FRAS1: variants seen among roughly 807,000 people sequenced by gnomAD.
The protein encoded by FRAS1 is extracellular matrix organizing protein FRAS1.
FRAS1 carries 290 observed loss-of-function variants against 435.2 expected under a neutral mutation model. The observed-to-expected ratio is 0.67, with a 90% CI of 0.61 to 0.73. The LOEUF (loss-of-function observed/expected upper bound fraction) is 0.73, where lower values mean the gene tolerates loss of function less well. FRAS1 is among the 30% of genes least tolerant of loss of function. The probability of loss-of-function intolerance (pLI) is 0.00; values close to 1 mark genes in which losing one functional copy is unlikely to be tolerated. For synonymous variants in FRAS1, 1,800 were observed against 1,851.0 expected (o/e 0.97, Z 0.71); for missense variants, 4,860 against 5,001.5 (o/e 0.97, Z 0.85).
chr4:78,153,770 G>A (rs541327970), intron 2 of FRAS1, among the ~76,000 whole-genome samples: 31 of 152,116 alleles, frequency 2.0e-4, no homozygotes, highest in South Asian at 4.1e-4. Flanking sequence ...AAATAATTTA[G>A]CAGATTTTTC....
chr4:78,357,782 A>G (rs919676650), intron 20 of FRAS1, among the ~76,000 whole-genome samples: 1 of 152,162 alleles, frequency 6.6e-6, no homozygotes, highest in African/African-American at 2.4e-5. Context: ...ACACACCTAT[A>G]GGTCCAGCTA....
At chr4:78,251,579 C>T (rs1560604084) in intron 4 of FRAS1, among the ~76,000 whole-genome samples, 1 of 151,926 alleles carries the variant, frequency 6.6e-6, no homozygotes, top group African/African-American at 2.4e-5. Flanking sequence ...CTCCCTAGCC[C>T]TGGGTAACAC....
At chr4:78,521,038 C>T (rs1313160725) in intron 67 of FRAS1, among the ~76,000 whole-genome samples, 5 of 152,162 alleles carry the variant, frequency 3.3e-5, no homozygotes, top group Admixed American at 6.5e-5. Flanking sequence ...AAAGCCACAG[C>T]TTTCTTGTGT....
At chr4:78,455,658 T>C (rs1166681051) in intron 47 of FRAS1, among the ~76,000 whole-genome samples, 1 of 152,128 alleles carries the variant, frequency 6.6e-6, no homozygotes, top group Non-Finnish European at 1.5e-5. Context: ...TGGGGAAATC[T>C]CTTCTTCCCC....
intron 2 of FRAS1, among the ~76,000 whole-genome samples, chr4:78,132,646 C>T (rs1393345321): frequency 1.3e-5 from 2 of 152,102 alleles, no homozygotes; most frequent in African/African-American, 4.8e-5. Context: ...AGATGGAGAG[C>T]AGATGCAGAG....
intron 41 of FRAS1, among the ~76,000 whole-genome samples, chr4:78,444,632 G>T (rs530709048): frequency 6.6e-6 from 1 of 152,248 alleles, no homozygotes; most frequent in East Asian, 1.9e-4. Flanking sequence ...ATAACATTGT[G>T]ATGACAATTT....
chr4:78,135,288 CT>C (rs1389964000), intron 2 of FRAS1, among the ~76,000 whole-genome samples: 1 of 152,028 alleles, frequency 6.6e-6, no homozygotes, highest in Non-Finnish European at 1.5e-5. Context: ...TTTTTCCTGC[CT>C]CTGTGTTCCT....
rs1484760824 is a variant in FRAS1, at chr4:78,543,974, C to T, written c.*2850C>T. The T allele has an allele frequency of 1.3e-5, 2 of 152,524 alleles. No homozygotes were observed. The highest frequency in any genetic ancestry group is 1.3e-4 in the Admixed American group (2 of 15,278). 9.4% of individuals were successfully genotyped at this position (152,524 alleles called of 1,614,324 possible). A position where few individuals can be genotyped will look rare whatever the true frequency, so the allele number is the denominator to read the frequency against. On this transcript the variant is annotated 3_prime_UTR_variant, in exon 74 of 74. Coordinates refer to ENST00000512123, the MANE Select transcript of FRAS1 (RefSeq NM_025074.7). ...CTGCTTTGCTGCCCTTTTATTGTAC[C>T]CCAGGCCTCCTAGAGGACTCCTGCA...
rs953258645 is a variant in FRAS1, at chr4:78,538,644, G to C, written c.11299-650G>C. On this transcript the variant is annotated intron_variant, in intron 72 of 73. Coordinates refer to ENST00000512123, the MANE Select transcript of FRAS1 (RefSeq NM_025074.7). Reference sequence around the variant, plus strand: ...GGCAGCAAGAAGTGCCGAGCAGAGGGGAAAAAGCCTCTTAAAAAACCATCA... The same window carrying C: ...GGCAGCAAGAAGTGCCGAGCAGAGGCGAAAAAGCCTCTTAAAAAACCATCA... Among the ~76,000 whole-genome samples the C allele has an allele frequency of 2.0e-5, 3 of 152,176 alleles. No homozygotes were observed. The East Asian group carries it at 5.8e-4, about 29-fold the overall frequency.
intron 2 of FRAS1, among the ~76,000 whole-genome samples, chr4:78,146,417 C>CT (rs1720423229): frequency 6.6e-6 from 1 of 152,104 alleles, no homozygotes; most frequent in Non-Finnish European, 1.5e-5. Context: ...CCCCATGCAT[C>CT]TTTTTTGTCT....
chr4:78,066,131 C>A (rs4859906), intron 2 of FRAS1, 115 bp downstream of exon 2: 170,001 of 769,238 alleles, frequency 0.22, 20,412 homozygotes, highest in East Asian at 0.32. Context: ...TTTTCTTCAA[C>A]GTTTGACAAT....
chr4:78,202,248 G>A (rs541182563), intron 2 of FRAS1, among the ~76,000 whole-genome samples: 11 of 152,294 alleles, frequency 7.2e-5, no homozygotes, highest in African/African-American at 2.4e-4. Context: ...CCTGGCTCAT[G>A]AGTGGATTGA....
At chr4:78,401,553 G>T (rs1732892667) in intron 30 of FRAS1, among the ~76,000 whole-genome samples, 1 of 152,150 alleles carries the variant, frequency 6.6e-6, no homozygotes, top group African/African-American at 2.4e-5. Flanking sequence ...CAATAACCCA[G>T]GGGCTTGGGA....
intron 28 of FRAS1, among the ~76,000 whole-genome samples, chr4:78,385,633 C>A (rs144512562): frequency 6.6e-6 from 1 of 152,042 alleles, no homozygotes; most frequent in East Asian, 1.9e-4. Flanking sequence ...TGCCTGTAAT[C>A]CCAGCAATTT....
chr4:78,289,774 C>G (rs1727796680), intron 14 of FRAS1, among the ~76,000 whole-genome samples: 1 of 152,134 alleles, frequency 6.6e-6, no homozygotes, highest in South Asian at 2.1e-4. Context: ...GCTTAATTAC[C>G]TGGAGACTGA....
intron 47 of FRAS1, among the ~76,000 whole-genome samples, chr4:78,458,745 C>A (rs1407409616): frequency 6.6e-6 from 1 of 152,072 alleles, no homozygotes; most frequent in African/African-American, 2.4e-5. Context: ...ACATAACCAC[C>A]ACCCCACCTC....
At chr4:78,062,670 C>T (rs751047194) in intron 1 of FRAS1, among the ~76,000 whole-genome samples, 6 of 151,972 alleles carry the variant, frequency 3.9e-5, no homozygotes, top group African/African-American at 1.2e-4. Flanking sequence ...CTCATAAAGG[C>T]GTATATTATA....
intron 2 of FRAS1, among the ~76,000 whole-genome samples, chr4:78,197,689 C>A (rs1353108596): frequency 5.9e-5 from 9 of 152,008 alleles, no homozygotes; most frequent in Admixed American, 5.9e-4. Context: ...TGCCTGTAAT[C>A]CCAGCACTTT....
chr4:78,184,259 A>T (rs79684973), intron 2 of FRAS1, among the ~76,000 whole-genome samples: 1 of 152,210 alleles, frequency 6.6e-6, no homozygotes, highest in Non-Finnish European at 1.5e-5. Context: ...GGCATACATG[A>T]CTGTAGGGGT....
Sources: gnomAD v4.1 joint callset for allele counts (sites outside exome capture counted in the v4.1 genomes callset) on GRCh38, gnomAD v4.1.1 for gene constraint, MANE v1.5 for transcripts, NCBI Gene and HGNC (gene_info 2026-07-23, HGNC 2026-07-21) for gene names.